Variants in NR4A1 observed in about 807,000 individuals in gnomAD.
NR4A1 encodes the protein nuclear receptor subfamily 4 group A member 1.
In NR4A1, 24 loss-of-function variants were observed where a neutral mutation model predicts 47.5. The ratio of observed to expected loss-of-function variants is 0.50; its 90% confidence interval spans 0.37 to 0.71. The LOEUF (loss-of-function observed/expected upper bound fraction) is 0.71. Among genes scored for constraint, NR4A1 ranks in the 30% least tolerant of loss-of-function variants. The pLI is 0.00. For synonymous variants in NR4A1, 353 were observed against 345.7 expected, an observed-to-expected ratio of 1.02 and a Z score of -0.24; for missense variants, 669 against 788.6, an observed-to-expected ratio of 0.85 and a Z score of 1.82.
At chr12:52,054,070 G>A (rs1939114396) in intron 1 of NR4A1, 1 of 518,100 alleles carries the variant, frequency 1.9e-6, no homozygotes, top group Non-Finnish European at 3.4e-6. Context: ...TTCCCAGGCT[G>A]ACTAGGGTGT....
intron 1 of NR4A1, among the ~76,000 whole-genome samples, chr12:52,051,965 C>CCA (rs1011499224): frequency 2.0e-5 from 3 of 152,112 alleles, no homozygotes; most frequent in African/African-American, 7.2e-5. Context: ...GGGATCCGTA[C>CCA]GATTCTAACT....
upstream of NR4A1, among the ~76,000 whole-genome samples, chr12:52,048,390 C>T (rs539042437): frequency 2.4e-4 from 36 of 151,928 alleles, no homozygotes; most frequent in Admixed American, 1.0e-3. Context: ...GTCAGGAGAT[C>T]AAGACCATCC....
At position 52,057,338 on chromosome 12, in the gene NR4A1, C is replaced by T. The variant is rs780880021; in HGVS notation, c.1362-14C>T. The stretch of plus-strand genomic sequence containing the variant: ...AACCACCCTGATCGCTCTTCGTGCC[C>T]ATCTGCCTGCCAGGTCTAAGCCAGG... On this transcript the variant is annotated splice_polypyrimidine_tract_variant and intron_variant, in intron 5 of 6. Transcript: ENST00000394825. 4.8e-5 allele frequency: 77 copies of T among 1,614,148 alleles called. No individual in the cohort carries two copies. Among genetic ancestry groups the T allele is most frequent in the Non-Finnish European group, 6.4e-5 (76 of 1,180,004 alleles).
chr12:52,044,744 T>C (rs948765834), intron 2 of NR4A1, among the ~76,000 whole-genome samples: 5 of 151,996 alleles, frequency 3.3e-5, no homozygotes, highest in African/African-American at 1.2e-4. Flanking sequence ...GGGAATTTGG[T>C]GGGTGCTGAT....
chr12:52,048,861 G>T (rs1490662619), upstream of NR4A1, among the ~76,000 whole-genome samples: 1 of 151,916 alleles, frequency 6.6e-6, no homozygotes, highest in Admixed American at 6.6e-5. Context: ...TTCCACAAAA[G>T]GATTCCACAA....
chr12:52,028,455 T>G (rs1938047822), intron 1 of NR4A1, among the ~76,000 whole-genome samples: 1 of 151,804 alleles, frequency 6.6e-6, no homozygotes, highest in Admixed American at 6.6e-5. Context: ...ATGCCTGTAG[T>G]CCCAGCAACT....
At chr12:52,051,439 G>C (rs868428227), upstream of NR4A1, 6 of 985,464 alleles carry the variant, frequency 6.1e-6, no homozygotes, top group Admixed American at 6.1e-5. Flanking sequence ...GGCTCGGCCG[G>C]GGAGTCCCAG....
intron 1 of NR4A1, among the ~76,000 whole-genome samples, chr12:52,052,250 T>A (rs934391982): frequency 1.3e-5 from 2 of 149,300 alleles, no homozygotes; most frequent in Non-Finnish European, 3.0e-5. Flanking sequence ...AGAATTGATT[T>A]CGCTGGGGCT....
intron 1 of NR4A1, among the ~76,000 whole-genome samples, chr12:52,024,539 T>C (rs1381712209): frequency 6.6e-6 from 1 of 151,984 alleles, no homozygotes; most frequent in East Asian, 1.9e-4. Flanking sequence ...TACAAAAAAT[T>C]TTTAAAAATG....
Position 52,037,439 on chromosome 12 carries a change from G to A in NR4A1, c.-83-4371G>A, listed in dbSNP as rs932477893. 14 of 986,132 alleles carry A rather than the reference G, an allele frequency of 1.4e-5. No homozygotes were observed. The African/African-American group carries it at 2.4e-4, about 17-fold the overall frequency. 61.1% of individuals were successfully genotyped at this position (986,132 alleles called of 1,614,324 possible). The stretch of plus-strand genomic sequence containing the variant: ...TGGAGAGGCGAGCGGAGCCCGCGGG[G>A]CCAGGTGAGGGGCTGCCGGGGTGGC... On this transcript the variant is annotated intron_variant, in intron 1 of 7. Coordinates refer to the NR4A1 transcript ENST00000360284.
chr12:52,028,911 A>G (rs1200379066), intron 1 of NR4A1, among the ~76,000 whole-genome samples: 6 of 148,512 alleles, frequency 4.0e-5, no homozygotes, highest in African/African-American at 1.5e-4. Flanking sequence ...TTAAAAAACA[A>G]AAACAAAAAC....
chr12:52,037,446 G>T, intron 1 of NR4A1: 1 of 986,228 alleles, frequency 1.0e-6, no homozygotes, highest in Non-Finnish European at 1.2e-6. Context: ...GGGGCCAGGT[G>T]AGGGGCTGCC....
rs1349872963 is a variant in NR4A1, at chr12:52,057,341, C to G, written c.1362-11C>G. 3 of 1,614,036 alleles carry G rather than the reference C, an allele frequency of 1.9e-6. No individual in the cohort carries two copies. The highest frequency in any genetic ancestry group is 2.5e-6 in the Non-Finnish European group (3 of 1,180,018). On this transcript the variant is annotated splice_polypyrimidine_tract_variant and intron_variant, in intron 5 of 6. Transcript: ENST00000394825. ...CACCCTGATCGCTCTTCGTGCCCAT[C>G]TGCCTGCCAGGTCTAAGCCAGGCGA...
upstream of NR4A1, among the ~76,000 whole-genome samples, chr12:52,047,746 T>C (rs1274407240): frequency 6.6e-6 from 1 of 152,216 alleles, no homozygotes; most frequent in Non-Finnish European, 1.5e-5. Context: ...CAGTTTTCCT[T>C]GGGCTTATGG....
At chr12:52,056,413 TCAG>T (rs1360706060) in intron 3 of NR4A1, 78 bp from the exon 4 acceptor site, 2 of 1,547,402 alleles carry the variant, frequency 1.3e-6, no homozygotes, top group Non-Finnish European at 1.7e-6. Context: ...GGGGCGCGTC[TCAG>T]CAGTGGTGTG....
chr12:52,054,214 T>C, intron 1 of NR4A1, 113 bp from the exon 2 acceptor site: 2 of 892,270 alleles, frequency 2.2e-6, no homozygotes, highest in South Asian at 1.8e-5. Context: ...GTCTCATCTT[T>C]AGGCTGGGAT....
At chr12:52,056,711 TAGG>T (rs1310017248) in intron 4 of NR4A1, 66 bp downstream of exon 4, 3 of 1,474,146 alleles carry the variant, frequency 2.0e-6, no homozygotes. Context: ...TTGTGCGTGT[TAGG>T]AGAGCTACCC....
intron 2 of NR4A1, chr12:52,043,625 C>A: frequency 8.9e-7 from 1 of 1,122,410 alleles, no homozygotes; most frequent in Non-Finnish European, 1.1e-6. Flanking sequence ...AAGTCAGGTC[C>A]AGTCAAGAGG....
intron 1 of NR4A1, chr12:52,038,165 A>G: frequency 1.3e-6 from 1 of 750,328 alleles, no homozygotes; most frequent in Non-Finnish European, 1.6e-6. Context: ...CCCGGGTTCA[A>G]GCGAATCTCC....
Sources: allele counts gnomAD v4.1 joint callset (sites outside exome capture counted in the v4.1 genomes callset), GRCh38; gene constraint gnomAD v4.1.1; transcripts MANE v1.5; gene names NCBI Gene and HGNC (gene_info 2026-07-23, HGNC 2026-07-21).